ELAPOR2: variants seen among roughly 807,000 people sequenced by gnomAD.
The protein encoded by ELAPOR2 is endosome/lysosome-associated apoptosis and autophagy regulator family member 2.
ELAPOR2 carries 89 observed loss-of-function variants against 120.7 expected under a neutral mutation model. That is an observed-to-expected ratio of 0.74 (90% confidence interval 0.62 to 0.88). The LOEUF is 0.88. Among genes scored for constraint, ELAPOR2 ranks in the 40% least tolerant of loss-of-function variants. The pLI, the probability that ELAPOR2 is intolerant of heterozygous loss-of-function variation, is 0.00. For synonymous variants in ELAPOR2, 444 were observed against 444.9 expected (o/e 1.00, Z 0.03); for missense variants, 1,134 against 1,251.6 (o/e 0.91, Z 1.42).
chr7:86,908,346 G>T, intron 17 of ELAPOR2, 101 bp downstream of exon 17: 1 of 645,168 alleles, frequency 1.5e-6, no homozygotes, highest in South Asian at 1.9e-5. Context: ...TCTGGTATAT[G>T]ATTACATACC....
At chr7:87,043,460 C>T (rs1410084854) in intron 1 of ELAPOR2, among the ~76,000 whole-genome samples, 29 of 151,760 alleles carry the variant, frequency 1.9e-4, no homozygotes, top group South Asian at 6.2e-4. Context: ...GTTCAATATA[C>T]GCAAATCAAT....
intron 8 of ELAPOR2, among the ~76,000 whole-genome samples, chr7:86,936,789 C>T (rs10487057): frequency 0.056 from 8,525 of 152,080 alleles, 819 homozygotes; most frequent in African/African-American, 0.19. Flanking sequence ...TTTTGTCACA[C>T]TACTTACTGC....
At chr7:86,944,495 AG>A (rs1444491089) in intron 4 of ELAPOR2, among the ~76,000 whole-genome samples, 1 of 152,118 alleles carries the variant, frequency 6.6e-6, no homozygotes, top group Non-Finnish European at 1.5e-5. Context: ...AATTGCAAAG[AG>A]AAAAAAAACT....
intron 1 of ELAPOR2, among the ~76,000 whole-genome samples, chr7:86,972,574 C>T (rs1441770912): frequency 6.9e-6 from 1 of 145,744 alleles, no homozygotes; most frequent in African/African-American, 2.5e-5. Flanking sequence ...GATTCAGGGA[C>T]ATCAAGTAAG....
intron 2 of ELAPOR2, among the ~76,000 whole-genome samples, chr7:86,961,715 G>C (rs1485426861): frequency 6.6e-6 from 1 of 152,212 alleles, no homozygotes; most frequent in Non-Finnish European, 1.5e-5. Context: ...ATATGGATTG[G>C]AACAGGGGTT....
chr7:86,977,333 C>T (rs577940995), intron 1 of ELAPOR2, among the ~76,000 whole-genome samples: 4 of 152,246 alleles, frequency 2.6e-5, no homozygotes, highest in South Asian at 2.1e-4. Context: ...TTATAGTTCC[C>T]GTCCTGGATC....
chr7:86,897,813 T>C (rs986071129), intron 18 of ELAPOR2, among the ~76,000 whole-genome samples, 181 bp from the exon 19 acceptor site: 2 of 152,084 alleles, frequency 1.3e-5, no homozygotes, highest in Non-Finnish European at 2.9e-5. Flanking sequence ...TTGTACCTAG[T>C]AGGATGGCTG....
intron 1 of ELAPOR2, among the ~76,000 whole-genome samples, chr7:87,005,797 T>C (rs1793452210): frequency 6.6e-6 from 1 of 152,182 alleles, no homozygotes; most frequent in African/African-American, 2.4e-5. Context: ...GCTTCAGTGT[T>C]AAAGTTAAAA....
At position 86,902,456 on chromosome 7, in the gene ELAPOR2, G is replaced by A. The variant is rs772689993; in HGVS notation, c.2559-4824C>T. On this transcript the variant is annotated intron_variant, in intron 18 of 21. Transcript: ENST00000450689. ...CTCCCAGATTGCTGGGATTACAGGC[G>A]TAAGCCACTGCGCCAGGCCTGGAGT... is the stretch of plus-strand genomic sequence containing the variant. Among the ~76,000 whole-genome samples, 116 of 152,296 alleles carry A rather than the reference G, an allele frequency of 7.6e-4. 1 individual carries two copies. The highest frequency in any genetic ancestry group is 6.8e-3 in the Middle Eastern group (2 of 294).
At chr7:86,948,300 G>C (rs1791088258) in intron 2 of ELAPOR2, among the ~76,000 whole-genome samples, 1 of 152,066 alleles carries the variant, frequency 6.6e-6, no homozygotes, top group South Asian at 2.1e-4. Context: ...TGGCCCAATG[G>C]GCAGTCAGTT....
intron 2 of ELAPOR2, among the ~76,000 whole-genome samples, chr7:86,951,416 T>G (rs1791240357): frequency 6.6e-6 from 1 of 152,252 alleles, no homozygotes; most frequent in African/African-American, 2.4e-5. Context: ...AGAATTGCGT[T>G]TGTGAATCTT....
chr7:86,893,737 G>A (rs554438705), intron 19 of ELAPOR2, among the ~76,000 whole-genome samples: 4 of 152,076 alleles, frequency 2.6e-5, no homozygotes, highest in South Asian at 2.1e-4. Context: ...TCATCCTCCC[G>A]AAATAGATGG....
chr7:86,987,393 A>G (rs1280377180), intron 1 of ELAPOR2, among the ~76,000 whole-genome samples: 1 of 152,242 alleles, frequency 6.6e-6, no homozygotes, highest in Non-Finnish European at 1.5e-5. Context: ...AGAAGCTACC[A>G]TCAGAGTGAA....
intron 1 of ELAPOR2, among the ~76,000 whole-genome samples, chr7:87,012,166 C>G (rs975432272): frequency 6.6e-6 from 1 of 152,304 alleles, no homozygotes; most frequent in South Asian, 2.1e-4. Flanking sequence ...AATCCCAGCA[C>G]TTCGGGAGGC....
At chr7:86,933,137 T>C (rs1364038814) in intron 8 of ELAPOR2, among the ~76,000 whole-genome samples, 1 of 151,438 alleles carries the variant, frequency 6.6e-6, no homozygotes, top group East Asian at 1.9e-4. Context: ...CAAATATATA[T>C]ATATACAATA....
intron 4 of ELAPOR2, among the ~76,000 whole-genome samples, chr7:86,943,496 C>G (rs11976443): frequency 0.024 from 3,592 of 151,982 alleles, 128 homozygotes; most frequent in African/African-American, 0.082. Flanking sequence ...TAAATTGCAA[C>G]CTCTAAAGCT....
chr7:86,993,028 G>A (rs529084853), intron 1 of ELAPOR2, among the ~76,000 whole-genome samples: 1 of 152,144 alleles, frequency 6.6e-6, no homozygotes, highest in East Asian at 1.9e-4. Context: ...ACGAGGTCAA[G>A]AGATCAAGAC....
intron 1 of ELAPOR2, among the ~76,000 whole-genome samples, chr7:87,039,896 C>T (rs1794710778): frequency 6.6e-6 from 1 of 152,080 alleles, no homozygotes; most frequent in Non-Finnish European, 1.5e-5. Flanking sequence ...ACAGAGGGCG[C>T]AGGTCAGTGG....
chr7:86,991,766 A>T (rs1792952389), intron 1 of ELAPOR2, among the ~76,000 whole-genome samples: 1 of 152,210 alleles, frequency 6.6e-6, no homozygotes, highest in East Asian at 1.9e-4. Flanking sequence ...TCACCTCAGC[A>T]TCCAAGGTGG....
Sources: allele counts gnomAD v4.1 joint callset (sites outside exome capture counted in the v4.1 genomes callset), GRCh38; gene constraint gnomAD v4.1.1; transcripts MANE v1.5; gene names NCBI Gene and HGNC (gene_info 2026-07-23, HGNC 2026-07-21).